ANO10: variants seen among roughly 807,000 people sequenced by gnomAD.
ANO10 encodes anoctamin 10.
In ANO10, 77 loss-of-function variants were observed where a neutral mutation model predicts 74.7. The ratio of observed to expected loss-of-function variants is 1.03; its 90% CI spans 0.86 to 1.25. The LOEUF is 1.25. Among genes scored for constraint, ANO10 ranks in the 50% most tolerant of loss-of-function variants. The pLI, the probability that ANO10 is intolerant of heterozygous loss-of-function variation, is 0.00. For synonymous variants in ANO10, 279 were observed against 284.9 expected (o/e 0.98, Z 0.21); for missense variants, 721 against 778.1 (o/e 0.93, Z 0.87).
At chr3:43,513,032 G>A (rs991607708) in intron 11 of ANO10, among the ~76,000 whole-genome samples, 3 of 152,212 alleles carry the variant, frequency 2.0e-5, no homozygotes, top group African/African-American at 7.2e-5. Context: ...AACAAAAGAA[G>A]ACAGAGCTGC....
Position 43,580,391 on chromosome 3 carries a change from G to A in ANO10, c.554C>T (p.Thr185Ile), listed in dbSNP as rs766071472. ...DSEALKKLEDTWYTRFALKYQ... is the reference protein window; with the variant it reads ...DSEALKKLEDIWYTRFALKYQ... ...CTTCAAAGCAAACCGAGTGTACCAG[G>A]TGTCCTCAAGCTTCTTCAGGGCTTC... is the stretch of plus-strand genomic sequence containing the variant. The change falls in exon 5 of 13, where the codon ACC becomes ATC. Residue 185 changes from threonine (T) to isoleucine (I), a missense_variant. Thr to Ile is a moderately conservative substitution (Grantham distance 89). Coordinates refer to ENST00000292246, the MANE Select transcript of ANO10 (RefSeq NM_018075.5). The A allele has an allele frequency of 3.7e-6, 6 of 1,614,082 alleles. No individual in the cohort carries two copies. The highest frequency in any genetic ancestry group is 2.7e-5 in the African/African-American group (2 of 75,042).
chr3:43,591,663 C>G (rs915398266), intron 4 of ANO10, among the ~76,000 whole-genome samples: 8 of 152,184 alleles, frequency 5.3e-5, no homozygotes, highest in African/African-American at 1.9e-4. Context: ...TCTACAGCTC[C>G]CAGCATGAGC....
At chr3:43,496,338 T>C (rs913832415) in intron 11 of ANO10, among the ~76,000 whole-genome samples, 5 of 152,184 alleles carry the variant, frequency 3.3e-5, no homozygotes, top group African/African-American at 7.2e-5. Context: ...TGCAACCCCA[T>C]TGTAGCCATG....
chr3:43,590,443 A>T (rs1195920326), intron 4 of ANO10, among the ~76,000 whole-genome samples: 1 of 152,212 alleles, frequency 6.6e-6, no homozygotes, highest in Non-Finnish European at 1.5e-5. Flanking sequence ...AGAGGCAAAT[A>T]AAAGAAAATC....
chr3:43,403,123 C>T (rs2092512951), intron 12 of ANO10, among the ~76,000 whole-genome samples: 1 of 152,200 alleles, frequency 6.6e-6, no homozygotes, highest in Non-Finnish European at 1.5e-5. Flanking sequence ...CAACCCTGAA[C>T]ACTGGACCTC....
At chr3:43,374,986 C>G (rs551269559) in intron 12 of ANO10, among the ~76,000 whole-genome samples, 5 of 151,572 alleles carry the variant, frequency 3.3e-5, no homozygotes, top group African/African-American at 1.2e-4. Context: ...CTGGGCGTGG[C>G]GGCAGGCACC....
chr3:43,670,789 C>T (rs2084049779), intron 1 of ANO10, among the ~76,000 whole-genome samples: 1 of 152,172 alleles, frequency 6.6e-6, no homozygotes. Flanking sequence ...TTAGTCTTGT[C>T]AGTTTCATAG....
intron 1 of ANO10, chr3:43,691,096 C>G (rs2084368323): frequency 6.7e-7 from 1 of 1,488,198 alleles, no homozygotes; most frequent in East Asian, 2.8e-5. Flanking sequence ...TCCGCGCGGG[C>G]CGGGTTAGGG....
In ANO10 at chr3:43,493,384, G is replaced by A. The variant is rs975941199; in HGVS notation, c.1797+56336C>T. On this transcript the variant is annotated intron_variant, in intron 11 of 12. Coordinates refer to ENST00000292246, the MANE Select transcript of ANO10 (RefSeq NM_018075.5). ...CCTACGTAACAAAAGTGCATGTTCT[G>A]CACATGTAACCCAGAACTTAAAGTA... Among the ~76,000 whole-genome samples the A allele has an allele frequency of 5.9e-5, 9 of 152,072 alleles. No individual in the cohort carries two copies. The East Asian group carries it at 1.7e-3, about 29-fold the overall frequency.
chr3:43,549,487 G>T (rs897462195), intron 11 of ANO10, among the ~76,000 whole-genome samples: 1 of 152,122 alleles, frequency 6.6e-6, no homozygotes, highest in African/African-American at 2.4e-5. Flanking sequence ...CAGCATAATA[G>T]TGGAAAAGTC....
chr3:43,382,445 G>C (rs2091990570), intron 12 of ANO10, among the ~76,000 whole-genome samples: 1 of 151,518 alleles, frequency 6.6e-6, no homozygotes, highest in Non-Finnish European at 1.5e-5. Flanking sequence ...CGTGAACCCG[G>C]GAGGCGGAGC....
At chr3:43,615,678 G>C (rs2083063646) in intron 1 of ANO10, among the ~76,000 whole-genome samples, 2 of 151,640 alleles carry the variant, frequency 1.3e-5, no homozygotes, top group African/African-American at 4.8e-5. Context: ...TCTTGAGACG[G>C]AGTCTCATTC....
chr3:43,669,466 G>A (rs1281729550), intron 1 of ANO10, among the ~76,000 whole-genome samples: 1 of 152,078 alleles, frequency 6.6e-6, no homozygotes, highest in African/African-American at 2.4e-5. Flanking sequence ...TTACAGTTCA[G>A]GTTTTCCTAC....
intron 12 of ANO10, among the ~76,000 whole-genome samples, chr3:43,373,498 G>T (rs1169388688): frequency 6.6e-6 from 1 of 152,192 alleles, no homozygotes; most frequent in African/African-American, 2.4e-5. Context: ...AGTTCAAAAG[G>T]GGAAACAAAG....
intron 11 of ANO10, among the ~76,000 whole-genome samples, chr3:43,487,946 G>A (rs1025732425): frequency 6.6e-6 from 1 of 151,906 alleles, no homozygotes; most frequent in African/African-American, 2.4e-5. Context: ...AACCAAAACA[G>A]CATGGTACTG....
intron 12 of ANO10, among the ~76,000 whole-genome samples, chr3:43,391,304 T>C (rs1005116583): frequency 1.3e-5 from 2 of 152,172 alleles, no homozygotes; most frequent in Admixed American, 6.5e-5. Flanking sequence ...TTCTAAAGTA[T>C]TACTGCAGAA....
Position 43,691,273 on chromosome 3 carries a change from G to A in ANO10, c.-12+244C>T, listed in dbSNP as rs531911118. The A allele has an allele frequency of 5.6e-4, 210 of 375,616 alleles. 1 individual carries two copies. The highest frequency in any genetic ancestry group is 4.1e-3 in the African/African-American group (195 of 47,652). The allele number at this position is 375,616 out of a possible 1,614,324, so 23.3% of individuals were successfully genotyped here. Reference sequence around the variant, plus strand: ...CCCCGAGGTGTCTGAGCCGGACTCCGGCCGCGCCGGGAGGCCGCCTTGACC... The same window carrying A: ...CCCCGAGGTGTCTGAGCCGGACTCCAGCCGCGCCGGGAGGCCGCCTTGACC... On this transcript the variant is annotated intron_variant, in intron 1 of 3. Coordinates refer to the ANO10 transcript ENST00000413397.
intron 12 of ANO10, among the ~76,000 whole-genome samples, chr3:43,381,454 C>T (rs2125696249): frequency 6.6e-6 from 1 of 152,206 alleles, no homozygotes; most frequent in Non-Finnish European, 1.5e-5. Context: ...AAAACAACAA[C>T]AGTTAAAAAG....
chr3:43,573,977 C>G (rs1480217203), intron 7 of ANO10, among the ~76,000 whole-genome samples: 1 of 152,186 alleles, frequency 6.6e-6, no homozygotes, highest in Non-Finnish European at 1.5e-5. Context: ...TTTTTTGAGA[C>G]AGGGTCTCGC....
Sources: allele counts gnomAD v4.1 joint callset (sites outside exome capture counted in the v4.1 genomes callset), GRCh38; gene constraint gnomAD v4.1.1; transcripts MANE v1.5; gene names NCBI Gene and HGNC (gene_info 2026-07-23, HGNC 2026-07-21).